FBXO25: variants seen among roughly 807,000 people sequenced by gnomAD.
FBXO25 encodes F-box only protein 25.
Under a neutral mutation model 51.9 loss-of-function variants are expected in FBXO25, and 45 were observed. The ratio of observed to expected loss-of-function variants is 0.87; its 90% confidence interval spans 0.68 to 1.11. The LOEUF (loss-of-function observed/expected upper bound fraction) is 1.11, where lower values mean the gene tolerates loss of function less well. FBXO25 is among the 50% of genes most tolerant of loss of function. The pLI, the probability that FBXO25 is intolerant of heterozygous loss-of-function variation, is 0.00. For missense variants in FBXO25, 507 were observed against 428.5 expected (o/e 1.18, Z -1.62); for synonymous variants, 199 against 151.0 (o/e 1.32, Z -2.33).
chr8:429,821 A>T (rs1170071039), intron 2 of FBXO25, among the ~76,000 whole-genome samples: 2 of 152,258 alleles, frequency 1.3e-5, no homozygotes, highest in Non-Finnish European at 2.9e-5. Flanking sequence ...GAAGTGTCCC[A>T]GCAGTGCCCA....
rs555732159 is a variant in FBXO25 at position 413,777 on chromosome 8, C to G, written c.134+564C>G. ...ACGACCTGTGTTTCAGTGGCACAGC[C>G]CAAAAGTTACATGCATCACGTTGCC... On this transcript the variant is annotated intron_variant, in intron 2 of 9. Coordinates refer to ENST00000350302, the MANE Select transcript of FBXO25 (RefSeq NM_183420.2). 3.9e-5 allele frequency among the ~76,000 whole-genome samples: 6 copies of G among 152,240 alleles called. No homozygotes were observed. The East Asian group carries it at 7.7e-4, about 20-fold the overall frequency.
chr8:454,235 T>C (rs1416940952), intron 7 of FBXO25, among the ~76,000 whole-genome samples: 3 of 152,224 alleles, frequency 2.0e-5, no homozygotes, highest in Non-Finnish European at 4.4e-5. Context: ...TCAGAAATTT[T>C]TTTTCTTGTG....
chr8:463,931 G>A (rs1799982287), intron 9 of FBXO25, among the ~76,000 whole-genome samples: 1 of 152,096 alleles, frequency 6.6e-6, no homozygotes, highest in Admixed American at 6.6e-5. Flanking sequence ...TGGGACTACA[G>A]GCAGGTGCTA....
intron 5 of FBXO25, among the ~76,000 whole-genome samples, chr8:442,229 G>A (rs1276946039): frequency 6.6e-6 from 1 of 151,924 alleles, no homozygotes. Flanking sequence ...AAATGAATGA[G>A]TGACTGAGCA....
rs1207244013 is a variant in FBXO25 at position 418,333 on chromosome 8, C to CTTTTTTTTTTTTT, written c.134+5132_134+5144dup. 3.7e-3 allele frequency among the ~76,000 whole-genome samples: 265 copies of CTTTTTTTTTTTTT among 72,358 alleles called. 4 individuals are homozygous for CTTTTTTTTTTTTT. Among genetic ancestry groups the CTTTTTTTTTTTTT allele is most frequent in the Non-Finnish European group, 4.6e-3 (184 of 39,968 alleles). 47.5% of individuals were successfully genotyped at this position (72,358 alleles called of 152,430 possible). On this transcript the variant is annotated intron_variant, in intron 2 of 9. Transcript: ENST00000350302. Reference sequence around the variant, plus strand: ...CCTTTCTTTTGTTCGTTTGTTTGTTCTTTTTTTTTTTTTTTTTTTTTTTTG... The same window carrying CTTTTTTTTTTTTT: ...CCTTTCTTTTGTTCGTTTGTTTGTTCTTTTTTTTTTTTTTTTTTTTTTTTTTTTTTTTTTTTTG...
At chr8:428,425 A>G (rs192761312) in intron 2 of FBXO25, among the ~76,000 whole-genome samples, 2 of 152,136 alleles carry the variant, frequency 1.3e-5, no homozygotes, top group Non-Finnish European at 2.9e-5. Context: ...TGTTTTTAAC[A>G]CTTCCCGCCC....
chr8:444,245 T>C (rs1053353447), intron 5 of FBXO25, among the ~76,000 whole-genome samples: 12 of 152,204 alleles, frequency 7.9e-5, no homozygotes, highest in African/African-American at 2.7e-4. Context: ...TTCTGTATTT[T>C]GTAGTAAGGC....
At chr8:410,833 C>G (rs1019405803) in intron 1 of FBXO25, among the ~76,000 whole-genome samples, 1 of 152,144 alleles carries the variant, frequency 6.6e-6, no homozygotes, top group African/African-American at 2.4e-5. Flanking sequence ...CATGTTCTGA[C>G]TATAAGTCAG....
rs181081902 is a variant in FBXO25, at chr8:439,311, A to T, written c.381+3604A>T. ...GAACAGCCCGAGGCTTGGGAGGTCC[A>T]TGCAGGGCAGTGCACGGCGTGAAAG... On this transcript the variant is annotated intron_variant, in intron 5 of 9. Coordinates refer to ENST00000350302, the MANE Select transcript of FBXO25 (RefSeq NM_183420.2). Among the ~76,000 whole-genome samples, 714 of 152,344 alleles carry T rather than the reference A, an allele frequency of 4.7e-3. 2 individuals are homozygous for T. The highest frequency in any genetic ancestry group is 7.7e-3 in the Non-Finnish European group (523 of 68,034).
intron 5 of FBXO25, among the ~76,000 whole-genome samples, chr8:444,887 A>G (rs1241492252): frequency 6.6e-6 from 1 of 152,212 alleles, no homozygotes; most frequent in Non-Finnish European, 1.5e-5. Context: ...TGTGATGTTC[A>G]CACAGTGAGG....
intron 9 of FBXO25, among the ~76,000 whole-genome samples, chr8:467,474 A>C (rs1263044586): frequency 6.6e-6 from 1 of 152,148 alleles, no homozygotes; most frequent in Non-Finnish European, 1.5e-5. Flanking sequence ...AAAGGTAGAG[A>C]TATGTTGTCT....
Position 458,877 on chromosome 8 carries a change from A to G in FBXO25, c.843+326A>G, listed in dbSNP as rs1388954648. Among the ~76,000 whole-genome samples, 3 of 152,172 alleles carry G rather than the reference A, an allele frequency of 2.0e-5. No individual in the cohort carries two copies. The East Asian group carries it at 5.8e-4, about 29-fold the overall frequency. On this transcript the variant is annotated intron_variant, in intron 8 of 9. Transcript: ENST00000350302. ...CTTTTCTCCTGATTTGATGAATCAGATTCCAGTTCTTTTGACCAAGCTGCA... is the reference window on the plus strand; with the variant it reads ...CTTTTCTCCTGATTTGATGAATCAGGTTCCAGTTCTTTTGACCAAGCTGCA...
chr8:438,059 C>CTTT (rs1416537152), intron 5 of FBXO25, among the ~76,000 whole-genome samples: 1 of 142,704 alleles, frequency 7.0e-6, no homozygotes, highest in East Asian at 2.0e-4. Context: ...TAATGTGTAT[C>CTTT]TTTTTTTTTT....
intron 2 of FBXO25, among the ~76,000 whole-genome samples, chr8:422,087 A>G (rs1797189316): frequency 6.6e-6 from 1 of 152,238 alleles, no homozygotes; most frequent in Admixed American, 6.5e-5. Context: ...CAGTCCCTTG[A>G]CAGATGCAGC....
chr8:462,676 A>G (rs1358408023), intron 8 of FBXO25, among the ~76,000 whole-genome samples: 1 of 143,238 alleles, frequency 7.0e-6, no homozygotes, highest in Non-Finnish European at 1.6e-5. Context: ...GTTCTCAGTT[A>G]TAAGTGGGAG....
intron 1 of FBXO25, chr8:407,430 G>A (rs1796223092): frequency 4.1e-6 from 4 of 984,858 alleles, no homozygotes; most frequent in Non-Finnish European, 4.8e-6. Flanking sequence ...GTCTGGGGGC[G>A]GCCGGCGGGT....
Position 477,007 on chromosome 8 carries a change from C to T in FBXO25, c.*8203C>T, listed in dbSNP as rs1035666329. ...TGTATATTACATTTTTCATTTACCA[C>T]AAGATATTTTCTAATTTCCCTTGTG... On this transcript the variant is annotated 3_prime_UTR_variant, in exon 10 of 10. Coordinates refer to ENST00000350302, the MANE Select transcript of FBXO25 (RefSeq NM_183420.2). 6.6e-6 allele frequency: 1 copy of T among 151,354 alleles called. No individual in the cohort carries two copies. Among genetic ancestry groups the T allele is most frequent in the South Asian group, 2.1e-4 (1 of 4,806 alleles). 9.4% of individuals were successfully genotyped at this position (151,354 alleles called of 1,614,324 possible). A position where few individuals can be genotyped will look rare whatever the true frequency, so the allele number is the denominator to read the frequency against.
chr8:468,844 G>A lies in FBXO25; in HGVS notation c.*40G>A, dbSNP rs762407094. 6 of 1,591,400 alleles carry A rather than the reference G, an allele frequency of 3.8e-6. No individual in the cohort carries two copies. The highest frequency in any genetic ancestry group is 3.4e-5 in the Admixed American group (2 of 58,840). Reference sequence around the variant, plus strand: ...ATCCCTATTGGAGATTGTGAATCCTGCTGTCTGTGCAGGGCTCATAGTGAG... The same window carrying A: ...ATCCCTATTGGAGATTGTGAATCCTACTGTCTGTGCAGGGCTCATAGTGAG... On this transcript the variant is annotated 3_prime_UTR_variant, in exon 10 of 10. Coordinates refer to ENST00000350302, the MANE Select transcript of FBXO25 (RefSeq NM_183420.2).
chr8:458,982 C>G (rs1799633849), intron 8 of FBXO25, among the ~76,000 whole-genome samples: 1 of 152,122 alleles, frequency 6.6e-6, no homozygotes, highest in African/African-American at 2.4e-5. Flanking sequence ...TGTCCACAGC[C>G]CCTCCCCCCT....
Sources: gnomAD v4.1 joint callset for allele counts (sites outside exome capture counted in the v4.1 genomes callset) on GRCh38, gnomAD v4.1.1 for gene constraint, MANE v1.5 for transcripts, NCBI Gene and HGNC (gene_info 2026-07-23, HGNC 2026-07-21) for gene names.